Variants in ERBB4 observed in about 807,000 individuals in gnomAD.
The protein encoded by ERBB4 is erb-b2 receptor tyrosine kinase 4, also known as receptor tyrosine-protein kinase erbB-4.
In ERBB4, 42 loss-of-function variants were observed where a neutral mutation model predicts 158.0. The ratio of observed to expected loss-of-function variants is 0.27; its 90% CI spans 0.21 to 0.34. ERBB4 has a LOEUF of 0.34. Ranked by LOEUF, ERBB4 falls within the 10% of genes least tolerant of loss-of-function variation. The pLI is 1.00. For missense variants in ERBB4, 1,333 were observed against 1,624.1 expected, an observed-to-expected ratio of 0.82 and a Z score of 3.08; for synonymous variants, 583 against 558.7, an observed-to-expected ratio of 1.04 and a Z score of -0.61.
chr2:211,486,273 CAATT>C lies in ERBB4; in HGVS notation c.2488-55177_2488-55174del, dbSNP rs2065202911. ...TTTTCGTTCCCAGGTGCAAAAAAGACAATTAATGAATGCTATTAATAAATGAGAA... is the reference window on the plus strand; with the variant it reads ...TTTTCGTTCCCAGGTGCAAAAAAGACAATGAATGCTATTAATAAATGAGAA... On this transcript the variant is annotated intron_variant, in intron 20 of 27. Transcript: ENST00000342788. Among the ~76,000 whole-genome samples, 3 of 152,140 alleles carry C rather than the reference CAATT, an allele frequency of 2.0e-5. No homozygotes were observed. In the South Asian group the frequency reaches 6.2e-4, roughly 32 times the overall value.
At chr2:211,550,049 A>G (rs1574726872) in intron 20 of ERBB4, among the ~76,000 whole-genome samples, 1 of 152,154 alleles carries the variant, frequency 6.6e-6, no homozygotes, top group East Asian at 1.9e-4. Flanking sequence ...TAAAAATTGT[A>G]TGCATTTAAA....
intron 3 of ERBB4, among the ~76,000 whole-genome samples, chr2:211,827,130 A>G (rs1269940294): frequency 3.9e-5 from 6 of 151,996 alleles, no homozygotes. Context: ...GATTAAGAAT[A>G]AAATTTAGAA....
At chr2:211,499,556 CA>C (rs1241550229) in intron 20 of ERBB4, among the ~76,000 whole-genome samples, 2 of 151,264 alleles carry the variant, frequency 1.3e-5, no homozygotes, top group East Asian at 1.9e-4. Flanking sequence ...AACAAACAAA[CA>C]AAAAAAAGAA....
At chr2:212,408,242 C>T (rs927016663) in intron 1 of ERBB4, among the ~76,000 whole-genome samples, 3 of 151,584 alleles carry the variant, frequency 2.0e-5, no homozygotes, top group African/African-American at 7.3e-5. Context: ...TCTCCCCTAT[C>T]CCCACCCTCC....
chr2:212,330,787 T>A (rs547142301), intron 1 of ERBB4, among the ~76,000 whole-genome samples: 1 of 151,808 alleles, frequency 6.6e-6, no homozygotes, highest in Non-Finnish European at 1.5e-5. Context: ...TCAAACCTTA[T>A]GTTTTAGACA....
rs570875762 is a variant in ERBB4 at position 212,255,116 on chromosome 2, C to T, written c.83-130213G>A. Among the ~76,000 whole-genome samples, 10 of 152,242 alleles carry T rather than the reference C, an allele frequency of 6.6e-5. 1 individual carries two copies. The East Asian group carries it at 1.9e-3, about 29-fold the overall frequency. ...GAAGAGAGTTCAACATTTTATAATACTTTCATCCTTCTCGCTGTTGTGCAT... is the reference window on the plus strand; with the variant it reads ...GAAGAGAGTTCAACATTTTATAATATTTTCATCCTTCTCGCTGTTGTGCAT... On this transcript the variant is annotated intron_variant, in intron 1 of 27. Coordinates refer to ENST00000342788, the MANE Select transcript of ERBB4 (RefSeq NM_005235.3).
At chr2:212,175,402 G>A (rs1521647) in intron 1 of ERBB4, among the ~76,000 whole-genome samples, 133,581 of 151,918 alleles carry the variant, frequency 0.88, 60,087 homozygotes, top group African/African-American at 0.97. Flanking sequence ...CCCTCCTTCT[G>A]TGTGTGTTTT....
At chr2:211,817,344 G>A (rs1221998813) in intron 3 of ERBB4, among the ~76,000 whole-genome samples, 1 of 152,128 alleles carries the variant, frequency 6.6e-6, no homozygotes, top group Admixed American at 6.6e-5. Flanking sequence ...GTACCTTCTT[G>A]TTAAAGGGGT....
chr2:211,452,091 A>G (rs968665523), intron 20 of ERBB4, among the ~76,000 whole-genome samples: 3 of 152,174 alleles, frequency 2.0e-5, no homozygotes, highest in Non-Finnish European at 4.4e-5. Flanking sequence ...CAGCACTCAT[A>G]CACTGCACCT....
At chr2:212,083,775 G>A (rs762534493) in intron 2 of ERBB4, among the ~76,000 whole-genome samples, 18 of 151,772 alleles carry the variant, frequency 1.2e-4, no homozygotes, top group Non-Finnish European at 2.2e-4. Context: ...CTAAATCTCA[G>A]CAGATCTATA....
chr2:211,871,273 A>C (rs1375892607), intron 3 of ERBB4, among the ~76,000 whole-genome samples: 2 of 152,188 alleles, frequency 1.3e-5, no homozygotes, highest in African/African-American at 4.8e-5. Context: ...CCAAGGCCAG[A>C]GGATCACTTG....
At chr2:211,734,332 G>A (rs1333502893) in intron 5 of ERBB4, among the ~76,000 whole-genome samples, 2 of 152,088 alleles carry the variant, frequency 1.3e-5, no homozygotes, top group Non-Finnish European at 2.9e-5. Flanking sequence ...TAGTTTTGAT[G>A]AGGGTGAAGA....
At chr2:211,421,221 T>C (rs936653207) in intron 24 of ERBB4, among the ~76,000 whole-genome samples, 71 of 151,362 alleles carry the variant, frequency 4.7e-4, no homozygotes, top group African/African-American at 1.7e-3. Flanking sequence ...TTGGAAACAA[T>C]TTCAGTTCAT....
chr2:211,413,792 G>A (rs115174367), intron 25 of ERBB4, among the ~76,000 whole-genome samples: 2,154 of 151,804 alleles, frequency 0.014, 55 homozygotes, highest in African/African-American at 0.048. Context: ...TTAGGCATGC[G>A]GACACATTGA....
rs1326563402 is a variant in ERBB4 at position 211,864,403 on chromosome 2, C to T, written c.422-76244G>A. ...TGGCACTTCCCAGGAACTCCTCCAC[C>T]TGGAGCAGTAACTCCAGGCTGCTTC... is the stretch of plus-strand genomic sequence containing the variant. On this transcript the variant is annotated intron_variant, in intron 3 of 27. Transcript: ENST00000342788. Among the ~76,000 whole-genome samples the T allele has an allele frequency of 2.0e-5, 3 of 152,156 alleles. No individual in the cohort carries two copies. The South Asian group carries it at 6.2e-4, about 31-fold the overall frequency.
At chr2:211,894,848 G>C (rs2079059724) in intron 3 of ERBB4, among the ~76,000 whole-genome samples, 1 of 152,132 alleles carries the variant, frequency 6.6e-6, no homozygotes, top group Admixed American at 6.5e-5. Flanking sequence ...AACGATCTAA[G>C]ATGGATAATT....
At chr2:212,227,976 A>C (rs2083531350) in intron 1 of ERBB4, among the ~76,000 whole-genome samples, 1 of 152,192 alleles carries the variant, frequency 6.6e-6, no homozygotes, top group African/African-American at 2.4e-5. Context: ...CTGCCAATCA[A>C]GCTGAGCTTA....
chr2:211,808,771 T>A (rs1013947783), intron 3 of ERBB4, among the ~76,000 whole-genome samples: 5 of 152,212 alleles, frequency 3.3e-5, no homozygotes, highest in Admixed American at 3.3e-4. Flanking sequence ...CATTGATTGT[T>A]CTTCCATTTG....
At chr2:212,176,006 A>T (rs1397069430) in intron 1 of ERBB4, among the ~76,000 whole-genome samples, 1 of 152,040 alleles carries the variant, frequency 6.6e-6, no homozygotes, top group Admixed American at 6.6e-5. Context: ...AATTGCTAAC[A>T]AATTGCTTTT....
Sources: gnomAD v4.1 joint callset for allele counts (sites outside exome capture counted in the v4.1 genomes callset) on GRCh38, gnomAD v4.1.1 for gene constraint, MANE v1.5 for transcripts, NCBI Gene and HGNC (gene_info 2026-07-23, HGNC 2026-07-21) for gene names.